Variants in PTPRK observed in about 807,000 individuals in gnomAD.
PTPRK encodes receptor-type tyrosine-protein phosphatase kappa.
A neutral mutation model predicts 178.0 loss-of-function variants in PTPRK; 75 were observed. The ratio of observed to expected loss-of-function variants is 0.42; its 90% CI spans 0.35 to 0.51. The LOEUF is 0.51. PTPRK is among the 20% of genes least tolerant of loss of function. The pLI, the probability that PTPRK is intolerant of heterozygous loss-of-function variation, is 0.02. For synonymous variants in PTPRK, 637 were observed against 620.6 expected (o/e 1.03, Z -0.39); for missense variants, 1,441 against 1,797.8 (o/e 0.80, Z 3.59).
intron 13 of PTPRK, among the ~76,000 whole-genome samples, chr6:128,051,279 T>C (rs2114874228): frequency 6.6e-6 from 1 of 152,344 alleles, no homozygotes; most frequent in South Asian, 2.1e-4. Context: ...CCATGCTTAA[T>C]AATTCTTTCC....
At chr6:128,135,559 G>C (rs981694185) in intron 7 of PTPRK, among the ~76,000 whole-genome samples, 2 of 152,182 alleles carry the variant, frequency 1.3e-5, no homozygotes, top group Non-Finnish European at 2.9e-5. Context: ...TTCAGCCTAG[G>C]GAGTGAGCCT....
chr6:128,149,927 G>A (rs1317467943), intron 7 of PTPRK, among the ~76,000 whole-genome samples: 1 of 152,136 alleles, frequency 6.6e-6, no homozygotes, highest in Non-Finnish European at 1.5e-5. Context: ...TCACTATGGG[G>A]AACAGTGTTC....
chr6:128,392,163 C>G (rs954162939), intron 2 of PTPRK, among the ~76,000 whole-genome samples: 1 of 152,122 alleles, frequency 6.6e-6, no homozygotes, highest in African/African-American at 2.4e-5. Context: ...CACTTAGAGA[C>G]ATATGGCCTT....
intron 2 of PTPRK, among the ~76,000 whole-genome samples, chr6:128,328,856 T>C (rs1375995066): frequency 2.0e-5 from 3 of 152,176 alleles, no homozygotes; most frequent in East Asian, 3.8e-4. Flanking sequence ...TAAGAAGTAA[T>C]AAGCATTGTT....
At chr6:128,465,114 C>T (rs1169469485) in intron 1 of PTPRK, among the ~76,000 whole-genome samples, 1 of 151,314 alleles carries the variant, frequency 6.6e-6, no homozygotes, top group Non-Finnish European at 1.5e-5. Flanking sequence ...TATGTTAAAC[C>T]AATTGAGAGT....
At chr6:128,225,202 A>G (rs1288424966) in intron 5 of PTPRK, among the ~76,000 whole-genome samples, 3 of 152,166 alleles carry the variant, frequency 2.0e-5, no homozygotes, top group Non-Finnish European at 2.9e-5. Context: ...ATTTATTTAT[A>G]TATTTATTTC....
intron 7 of PTPRK, among the ~76,000 whole-genome samples, chr6:128,142,571 C>T (rs1795929804): frequency 6.6e-6 from 1 of 151,390 alleles, no homozygotes; most frequent in South Asian, 2.1e-4. Flanking sequence ...TACACACACA[C>T]ACGTGTGGTT....
chr6:128,115,360 T>C (rs1791328212), intron 7 of PTPRK, among the ~76,000 whole-genome samples: 2 of 152,092 alleles, frequency 1.3e-5, no homozygotes, highest in African/African-American at 4.8e-5. Context: ...CATATAAAAT[T>C]GGAAGTGCTC....
chr6:128,095,896 A>C (rs959687511), intron 7 of PTPRK, among the ~76,000 whole-genome samples: 3 of 152,228 alleles, frequency 2.0e-5, no homozygotes, highest in Non-Finnish European at 2.9e-5. Flanking sequence ...GTTAACTGTT[A>C]AATTAAAAAT....
intron 2 of PTPRK, among the ~76,000 whole-genome samples, chr6:128,329,154 T>C (rs2128324609): frequency 6.6e-6 from 1 of 152,292 alleles, no homozygotes; most frequent in Non-Finnish European, 1.5e-5. Context: ...TTTTTATCGC[T>C]CTGCTCTAAT....
intron 3 of PTPRK, among the ~76,000 whole-genome samples, chr6:128,251,751 G>A (rs1816493821): frequency 6.6e-6 from 1 of 152,116 alleles, no homozygotes; most frequent in Admixed American, 6.5e-5. Context: ...ATATTACAGT[G>A]ACAAGTTAAT....
chr6:128,240,238 G>A (rs1345471556), intron 4 of PTPRK, 88 bp from the exon 5 acceptor site: 1 of 1,012,656 alleles, frequency 9.9e-7, no homozygotes, highest in African/African-American at 1.6e-5. Context: ...ATTATCATTA[G>A]TGTTTTTACC....
chr6:128,456,292 A>G (rs2128409339), intron 1 of PTPRK, among the ~76,000 whole-genome samples: 1 of 152,224 alleles, frequency 6.6e-6, no homozygotes, highest in African/African-American at 2.4e-5. Context: ...CATTCCAGCC[A>G]GGGAGGCAGA....
chr6:128,064,891 A>T, intron 12 of PTPRK, 97 bp from the exon 13 acceptor site: 1 of 1,301,744 alleles, frequency 7.7e-7, no homozygotes, highest in Non-Finnish European at 9.9e-7. Context: ...CTGGGGTCAT[A>T]AAAAGGGATT....
At chr6:128,367,393 T>A (rs1315895212) in intron 2 of PTPRK, among the ~76,000 whole-genome samples, 1 of 152,120 alleles carries the variant, frequency 6.6e-6, no homozygotes, top group Non-Finnish European at 1.5e-5. Context: ...AAACCAGCCA[T>A]TAGAATACCC....
intron 7 of PTPRK, among the ~76,000 whole-genome samples, chr6:128,141,220 A>G (rs1795722191): frequency 6.6e-6 from 1 of 151,962 alleles, no homozygotes; most frequent in African/African-American, 2.4e-5. Flanking sequence ...TTGAAAATGT[A>G]TAACTAAAAA....
At chr6:128,227,177 C>T (rs1286604574) in intron 5 of PTPRK, among the ~76,000 whole-genome samples, 1 of 152,030 alleles carries the variant, frequency 6.6e-6, no homozygotes, top group African/African-American at 2.4e-5. Flanking sequence ...AAGAAACAAA[C>T]AAAGAAACAT....
At chr6:128,270,915 T>TA (rs1819706318) in intron 3 of PTPRK, among the ~76,000 whole-genome samples, 1 of 151,900 alleles carries the variant, frequency 6.6e-6, no homozygotes, top group African/African-American at 2.4e-5. Context: ...ATATGCTGTA[T>TA]AAAAGGAGAG....
intron 13 of PTPRK, among the ~76,000 whole-genome samples, chr6:128,022,731 T>C (rs1341919262): frequency 6.6e-6 from 1 of 152,346 alleles, no homozygotes; most frequent in East Asian, 1.9e-4. Flanking sequence ...ATCCAAGTTA[T>C]TCCTCTTCCA....
Sources: gnomAD v4.1 joint callset for allele counts (sites outside exome capture counted in the v4.1 genomes callset) on GRCh38, gnomAD v4.1.1 for gene constraint, MANE v1.5 for transcripts, NCBI Gene and HGNC (gene_info 2026-07-23, HGNC 2026-07-21) for gene names.